Variants in OXTR observed in about 807,000 individuals in gnomAD.
The protein encoded by OXTR is oxytocin receptor.
In OXTR, 19 loss-of-function variants were observed where a neutral mutation model predicts 23.9. That is an observed-to-expected ratio of 0.80 (90% CI 0.56 to 1.17). OXTR has a LOEUF of 1.17. OXTR is among the 50% of genes most tolerant of loss of function. The pLI, the probability that OXTR is intolerant of heterozygous loss-of-function variation, is 0.00. For synonymous variants in OXTR, 278 were observed against 250.5 expected, an observed-to-expected ratio of 1.11 and a Z score of -1.04; for missense variants, 500 against 550.7, an observed-to-expected ratio of 0.91 and a Z score of 0.92.
Position 8,753,204 on chromosome 3 carries a change from T to C in OXTR, c.943A>G (p.Met315Val). Reference protein sequence around the residue: ...PKEASAFIIVMLLASLNSCCN... With the variant: ...PKEASAFIIVVLLASLNSCCN... The stretch of plus-strand genomic sequence containing the variant: ...CAGCTGTTGAGGCTGGCCAGGAGCA[T>C]GACGATGATGAAGGCCGAGGCTGAG... Residue 315 changes from methionine (M) to valine (V), a missense_variant, in exon 4 of 4, where the codon ATG (methionine) becomes GTG (valine). Transcript: ENST00000316793. 6.2e-7 allele frequency: 1 copy of C among 1,613,614 alleles called. No individual in the cohort carries two copies. The highest frequency in any genetic ancestry group is 8.5e-7 in the Non-Finnish European group (1 of 1,179,934).
intron 3 of OXTR, among the ~76,000 whole-genome samples, chr3:8,762,958 G>A (rs575132796): frequency 9.2e-5 from 14 of 152,248 alleles, no homozygotes; most frequent in South Asian, 4.2e-4. Context: ...CATTTTCCAC[G>A]TATTTGGCAA....
chr3:8,757,818 G>T (rs1333160561), intron 3 of OXTR, among the ~76,000 whole-genome samples: 1 of 152,162 alleles, frequency 6.6e-6, no homozygotes, highest in Non-Finnish European at 1.5e-5. Flanking sequence ...AGGAGGAAGA[G>T]GTCAGACGTC....
chr3:8,744,445 ATTTTTTTTTTTTT>A, the OXTR span, among the ~76,000 whole-genome samples: 1 of 111,408 alleles, frequency 9.0e-6, no homozygotes, highest in Admixed American at 9.9e-5. Context: ...TACCCGGCTA[ATTTTTTTTTTTTT>A]TTTTTTTTTT....
chr3:8,750,815 C>G lies in OXTR; in HGVS notation c.*2162G>C, dbSNP rs1344330177. 1.3e-5 allele frequency: 2 copies of G among 152,254 alleles called. No individual in the cohort carries two copies. Among genetic ancestry groups the G allele is most frequent in the Non-Finnish European group, 2.9e-5 (2 of 68,018 alleles). The allele number at this position is 152,254 out of a possible 1,614,324, so 9.4% of individuals were successfully genotyped here. On this transcript the variant is annotated 3_prime_UTR_variant, in exon 4 of 4. Transcript: ENST00000316793. ...CATTTGGGTTGTTTCCACTTTTTGG[C>G]TATTACAAATAATGTTGCTATGAAC...
intron 3 of OXTR, 132 bp downstream of exon 3, chr3:8,767,134 G>GT: frequency 1.2e-6 from 1 of 820,502 alleles, no homozygotes; most frequent in Non-Finnish European, 1.8e-6. Flanking sequence ...TGACAGAGCA[G>GT]TGACTCTGTG....
chr3:8,746,273 T>A, downstream of OXTR: 1 of 177,980 alleles, frequency 5.6e-6, no homozygotes, highest in Non-Finnish European at 1.2e-5. Flanking sequence ...GGGTTTTGGC[T>A]GCATTTGGGG....
At chr3:8,742,598 A>G in the OXTR span, 4 of 451,340 alleles carry the variant, frequency 8.9e-6, no homozygotes, top group African/African-American at 6.0e-5. Context: ...GAATCTTCAG[A>G]GCACCTGAAG....
chr3:8,752,456 C>T lies in OXTR; in HGVS notation c.*521G>A, dbSNP rs1708282919. On this transcript the variant is annotated 3_prime_UTR_variant, in exon 4 of 4. Transcript: ENST00000316793. ...TGGTCTTACAAGGTAATCCCCTTCT[C>T]TTAGGGCTACCCTCTGACAAGCTGG... The T allele has an allele frequency of 6.5e-6, 1 of 154,542 alleles. No homozygotes were observed. The highest frequency in any genetic ancestry group is 2.4e-5 in the African/African-American group (1 of 41,452). The allele number at this position is 154,542 out of a possible 1,614,324, so 9.6% of individuals were successfully genotyped here.
Position 8,767,643 on chromosome 3 carries a change from T to C in OXTR, c.545A>G (p.Asp182Gly), listed in dbSNP as rs530470900. The C allele has an allele frequency of 6.2e-7, 1 of 1,612,842 alleles. No homozygotes were observed. Among genetic ancestry groups the C allele is most frequent in the Admixed American group, 1.7e-5 (1 of 59,974 alleles). Residue 182 changes from aspartate (D) to glycine (G), a missense_variant, in exon 3 of 4, where the codon GAC becomes GGC. Physicochemically the swap from Asp to Gly is moderately conservative, Grantham distance 94. Transcript: ENST00000316793. Reference sequence around the variant, plus strand: ...GACGGCCCAGCAGTCGAAGACGCCGTCAGCCACCTCGCGCAGAGAGAAGAT... The same window carrying C: ...GACGGCCCAGCAGTCGAAGACGCCGCCAGCCACCTCGCGCAGAGAGAAGAT... ...VHIFSLREVADGVFDCWAVFI... is the reference protein window; with the variant it reads ...VHIFSLREVAGGVFDCWAVFI...
At chr3:8,758,323 G>T (rs1035649577) in intron 3 of OXTR, among the ~76,000 whole-genome samples, 1 of 152,078 alleles carries the variant, frequency 6.6e-6, no homozygotes, top group Non-Finnish European at 1.5e-5. Context: ...CGCCTCTCCG[G>T]GCTGTGCTGT....
the OXTR span, chr3:8,742,395 A>G: frequency 2.7e-6 from 1 of 369,586 alleles, no homozygotes; most frequent in Non-Finnish European, 5.4e-6. Context: ...AAGAAGAAAG[A>G]TAATTAAAAG....
At chr3:8,762,611 T>G (rs2125003027) in intron 3 of OXTR, among the ~76,000 whole-genome samples, 1 of 152,092 alleles carries the variant, frequency 6.6e-6, no homozygotes, top group South Asian at 2.1e-4. Context: ...AAAAAGCCCC[T>G]CCAAGGGGCC....
chr3:8,768,397 T>C lies in OXTR; in HGVS notation c.-142-68A>G, dbSNP rs956255748. 5.1e-6 allele frequency: 4 copies of C among 785,598 alleles called. No individual in the cohort carries two copies. Among genetic ancestry groups the C allele is most frequent in the Admixed American group, 9.1e-5 (2 of 21,934 alleles). The allele number at this position is 785,598 out of a possible 1,614,324, so 48.7% of individuals were successfully genotyped here. A position where few individuals can be genotyped will look rare whatever the true frequency, so the allele number is the denominator to read the frequency against. On this transcript the variant is annotated intron_variant, in intron 2 of 3. Coordinates refer to ENST00000316793, the MANE Select transcript of OXTR (RefSeq NM_000916.4). This position sits in a 1 kb window ranked among gnomAD's most constrained non-coding sequence, Gnocchi z 5.4. ...TCTTCCGACGCGGGTAGGGCGTGCT[T>C]GTCCCATTCCCAGGAACCCAACTCA...
At chr3:8,747,510 A>T (rs1396730982), downstream of OXTR, among the ~76,000 whole-genome samples, 3 of 152,196 alleles carry the variant, frequency 2.0e-5, no homozygotes, top group Non-Finnish European at 4.4e-5. Context: ...AATACGTTGT[A>T]GAGATCAGCA....
chr3:8,750,183 G>A (rs1708227926), downstream of OXTR, among the ~76,000 whole-genome samples: 1 of 152,186 alleles, frequency 6.6e-6, no homozygotes, highest in Non-Finnish European at 1.5e-5. Flanking sequence ...ACAACCTGCA[G>A]CTACAAGGCA....
At chr3:8,759,102 G>T (rs926521038) in intron 3 of OXTR, among the ~76,000 whole-genome samples, 1 of 152,180 alleles carries the variant, frequency 6.6e-6, no homozygotes, top group Non-Finnish European at 1.5e-5. Flanking sequence ...TAAAGTTTGA[G>T]CAGCTTCCTT....
chr3:8,768,094 G>C lies in OXTR; in HGVS notation c.94C>G (p.Pro32Ala), dbSNP rs1370653078. The C allele has an allele frequency of 6.9e-7, 1 of 1,443,586 alleles. No individual in the cohort carries two copies. The highest frequency in any genetic ancestry group is 2.7e-5 in the Admixed American group (1 of 37,428). 89.4% of individuals were successfully genotyped at this position (1,443,586 alleles called of 1,614,324 possible). ...GAEGNRTAGP[P>A]RRNEALARVE... ...CGCGCCAGGGCCTCGTTGCGCCGCGGGGGTCCGGCGGTGCGGTTGCCCTCG... is the reference window on the plus strand; with the variant it reads ...CGCGCCAGGGCCTCGTTGCGCCGCGCGGGTCCGGCGGTGCGGTTGCCCTCG... Residue 32 changes from proline to alanine, a missense_variant, in exon 3 of 4, where the codon CCG becomes GCG. Pro to Ala is a conservative substitution (Grantham distance 27, BLOSUM62 -1). Coordinates refer to ENST00000316793, the MANE Select transcript of OXTR (RefSeq NM_000916.4). The surrounding 1 kb of genome is among the most constrained non-coding windows in gnomAD (Gnocchi z 5.4).
intron 3 of OXTR, among the ~76,000 whole-genome samples, chr3:8,761,048 C>A (rs960537691): frequency 6.6e-6 from 1 of 152,288 alleles, no homozygotes. Flanking sequence ...ACGTGGAGGA[C>A]GGGAATGCTG....
chr3:8,749,225 T>C (rs565864524), downstream of OXTR, among the ~76,000 whole-genome samples: 1 of 152,216 alleles, frequency 6.6e-6, no homozygotes, highest in South Asian at 2.1e-4. Flanking sequence ...AGTGGGGCTA[T>C]TGAAATTGAA....
Sources: allele counts gnomAD v4.1 joint callset (sites outside exome capture counted in the v4.1 genomes callset), GRCh38; gene constraint gnomAD v4.1.1; non-coding constraint Gnocchi (gnomAD v3.1); transcripts MANE v1.5; gene names NCBI Gene and HGNC (gene_info 2026-07-23, HGNC 2026-07-21).